RABGAP1L: variants seen among roughly 807,000 people sequenced by gnomAD.
RABGAP1L encodes RAB GTPase activating protein 1 like, also known as rab GTPase-activating protein 1-like.
Under a neutral mutation model 137.7 loss-of-function variants are expected in RABGAP1L, and 63 were observed. The ratio of observed to expected loss-of-function variants is 0.46; its 90% CI spans 0.37 to 0.56. RABGAP1L has a LOEUF of 0.56. RABGAP1L is among the 20% of genes least tolerant of loss of function. RABGAP1L has a pLI of 0.00. For synonymous variants in RABGAP1L, 431 were observed against 433.7 expected (o/e 0.99, Z 0.08); for missense variants, 1,095 against 1,244.0 (o/e 0.88, Z 1.80).
chr1:174,456,616 C>G (rs1330265260), intron 13 of RABGAP1L, among the ~76,000 whole-genome samples: 1 of 151,810 alleles, frequency 6.6e-6, no homozygotes, highest in Non-Finnish European at 1.5e-5. Context: ...ATAAATAAAA[C>G]CTTTTAAATA....
At chr1:174,615,775 G>A (rs999058348) in intron 13 of RABGAP1L, among the ~76,000 whole-genome samples, 2 of 152,144 alleles carry the variant, frequency 1.3e-5, no homozygotes, top group Non-Finnish European at 2.9e-5. Context: ...AGCAAGCCTG[G>A]GCAATGGTGG....
chr1:174,943,542 G>T (rs1666234045), intron 19 of RABGAP1L, among the ~76,000 whole-genome samples: 1 of 152,052 alleles, frequency 6.6e-6, no homozygotes, highest in Non-Finnish European at 1.5e-5. Context: ...TTTCTTTTAA[G>T]ACTTTATCCC....
chr1:174,464,420 C>G (rs1657065586), intron 13 of RABGAP1L, among the ~76,000 whole-genome samples: 1 of 152,116 alleles, frequency 6.6e-6, no homozygotes, highest in African/African-American at 2.4e-5. Flanking sequence ...GGCCTTGTAC[C>G]TTTTCTCCAG....
intron 12 of RABGAP1L, among the ~76,000 whole-genome samples, chr1:174,381,166 A>T (rs1298110774): frequency 7.3e-6 from 1 of 136,914 alleles, no homozygotes; most frequent in African/African-American, 2.9e-5. Context: ...GTTTGTTATA[A>T]TTTCTGTTCT....
At chr1:174,170,749 ACTCT>A (rs1328466684) in intron 1 of RABGAP1L, among the ~76,000 whole-genome samples, 1 of 151,134 alleles carries the variant, frequency 6.6e-6, no homozygotes, top group Non-Finnish European at 1.5e-5. Flanking sequence ...TCTCACAGTG[ACTCT>A]CTACTACTAC....
At chr1:174,770,644 A>T (rs1686042405) in intron 18 of RABGAP1L, among the ~76,000 whole-genome samples, 1 of 152,342 alleles carries the variant, frequency 6.6e-6, no homozygotes, top group East Asian at 1.9e-4. Context: ...TATTTTTGTG[A>T]GCAAAATAAG....
chr1:174,834,198 G>A (rs1169011828), intron 19 of RABGAP1L, among the ~76,000 whole-genome samples: 15 of 152,042 alleles, frequency 9.9e-5, no homozygotes, highest in South Asian at 2.1e-4. Context: ...AGGCCAAGGC[G>A]GGAAGATCAC....
chr1:174,375,114 C>A (rs1174348553), intron 12 of RABGAP1L, among the ~76,000 whole-genome samples: 3 of 151,924 alleles, frequency 2.0e-5, no homozygotes, highest in African/African-American at 7.2e-5. Context: ...AGTCAAGTTT[C>A]TTTTGATTTT....
chr1:174,278,634 T>C lies in RABGAP1L; in HGVS notation c.1178T>C (p.Val393Ala). The C allele has an allele frequency of 6.2e-7, 1 of 1,613,050 alleles. No homozygotes were observed. Among genetic ancestry groups the C allele is most frequent in the African/African-American group, 1.3e-5 (1 of 74,918 alleles). Residue 393 changes from valine to alanine, a missense_variant, in exon 10 of 26, where the codon GTG becomes GCG. Physicochemically the swap from Val to Ala is moderately conservative, Grantham distance 64 (BLOSUM62 0). This residue lies in a region of RABGAP1L where 112 missense variants were observed against 157.3 expected (regional missense o/e 0.71). Transcript: ENST00000681986. ...TPKDKQVYMT[V>A]AVDMVVTEVV... Reference sequence around the variant, plus strand: ...ACAGATAAGCAAGTATACATGACTGTGGCAGTGGATATGGTAGTCACAGAG... The same window carrying C: ...ACAGATAAGCAAGTATACATGACTGCGGCAGTGGATATGGTAGTCACAGAG...
intron 13 of RABGAP1L, among the ~76,000 whole-genome samples, chr1:174,519,123 G>A (rs1240739746): frequency 6.7e-6 from 1 of 148,754 alleles, no homozygotes. Context: ...ACACACACAC[G>A]TTATATATAA....
intron 13 of RABGAP1L, among the ~76,000 whole-genome samples, chr1:174,472,195 C>T (rs982145965): frequency 2.0e-5 from 3 of 152,152 alleles, no homozygotes; most frequent in African/African-American, 7.2e-5. Flanking sequence ...CAGACTGAGA[C>T]TGAGACAGAG....
chr1:174,232,006 G>A (rs999520688), intron 4 of RABGAP1L, among the ~76,000 whole-genome samples: 1 of 152,042 alleles, frequency 6.6e-6, no homozygotes, highest in African/African-American at 2.4e-5. Flanking sequence ...AAATAAAACG[G>A]TAAAAATACT....
At position 174,761,641 on chromosome 1, in the gene RABGAP1L, G is replaced by C. The variant is rs958894577; in HGVS notation, c.2211+9287G>C. Among the ~76,000 whole-genome samples the C allele has an allele frequency of 4.6e-5, 7 of 152,144 alleles. No homozygotes were observed. The highest frequency in any genetic ancestry group is 2.1e-4 in the South Asian group (1 of 4,820). Reference sequence around the variant, plus strand: ...TCACTTCCCAGACGGAGACAGTGTGGGGGCCGGACAAGGGCCGAACAGAGG... The same window carrying C: ...TCACTTCCCAGACGGAGACAGTGTGCGGGCCGGACAAGGGCCGAACAGAGG... On this transcript the variant is annotated intron_variant, in intron 18 of 25. Transcript: ENST00000681986. The surrounding 1 kb of genome is among the most constrained non-coding windows in gnomAD (Gnocchi z 4.0).
chr1:174,740,271 C>G lies in RABGAP1L; in HGVS notation c.2170-12042C>G, dbSNP rs1683282290. Among the ~76,000 whole-genome samples, 3 of 151,350 alleles carry G rather than the reference C, an allele frequency of 2.0e-5. No homozygotes were observed. The South Asian group carries it at 6.5e-4, about 33-fold the overall frequency. On this transcript the variant is annotated intron_variant, in intron 17 of 25. Coordinates refer to ENST00000681986, the MANE Select transcript of RABGAP1L (RefSeq NM_001366446.1). ...TGTTATTCTCTTAAATCACTTCTGT[C>G]TCTGCTTTCCCTAGTGTTTAAGCTT...
At chr1:174,477,687 TGTA>T (rs1558267299) in intron 13 of RABGAP1L, among the ~76,000 whole-genome samples, 1 of 152,176 alleles carries the variant, frequency 6.6e-6, no homozygotes, top group Non-Finnish European at 1.5e-5. Context: ...CAGACAACAT[TGTA>T]GTGTGCAATA....
chr1:174,984,035 A>AT (rs1162711248), intron 24 of RABGAP1L, among the ~76,000 whole-genome samples: 20 of 133,546 alleles, frequency 1.5e-4, no homozygotes, highest in Non-Finnish European at 1.7e-4. Flanking sequence ...CCTGAAGTGA[A>AT]TTTTTTTTGT....
In RABGAP1L at chr1:174,976,049, G is replaced by A. The variant is rs1451545328; in HGVS notation, c.2545-29G>A. 7 of 1,513,394 alleles carry A rather than the reference G, an allele frequency of 4.6e-6. No individual in the cohort carries two copies. The African/African-American group carries it at 5.5e-5, about 12-fold the overall frequency. The allele number at this position is 1,513,394 out of a possible 1,614,324, so 93.7% of individuals were successfully genotyped here. A position where few individuals can be genotyped will look rare whatever the true frequency, so the allele number is the denominator to read the frequency against. On this transcript the variant is annotated intron_variant, in intron 21 of 25. Transcript: ENST00000681986. Reference sequence around the variant, plus strand: ...TCTTTACCCTCTGTATGACTGTGATGTATGACTGTGATGCACCATGATTTG... The same window carrying A: ...TCTTTACCCTCTGTATGACTGTGATATATGACTGTGATGCACCATGATTTG...
intron 19 of RABGAP1L, among the ~76,000 whole-genome samples, chr1:174,872,269 T>C (rs956321542): frequency 2.6e-5 from 4 of 152,132 alleles, no homozygotes; most frequent in African/African-American, 9.6e-5. Flanking sequence ...ATAATGGTGT[T>C]CTTTATTTAC....
At chr1:174,451,542 C>T (rs1298896916) in intron 13 of RABGAP1L, among the ~76,000 whole-genome samples, 2 of 152,140 alleles carry the variant, frequency 1.3e-5, no homozygotes, top group African/African-American at 2.4e-5. Context: ...AATGATTATT[C>T]GTCAGTTAAC....
Sources: allele counts gnomAD v4.1 joint callset (sites outside exome capture counted in the v4.1 genomes callset), GRCh38; gene constraint gnomAD v4.1.1; regional missense constraint gnomAD v4.1.1; non-coding constraint Gnocchi (gnomAD v3.1); transcripts MANE v1.5; gene names NCBI Gene and HGNC (gene_info 2026-07-23, HGNC 2026-07-21).